The following USP42 variants were observed in gnomAD, a reference collection of about 807,000 sequenced individuals.
USP42 encodes ubiquitin carboxyl-terminal hydrolase 42.
In USP42, 23 loss-of-function variants were observed where a neutral mutation model predicts 113.0. The ratio of observed to expected loss-of-function variants is 0.20; its 90% confidence interval spans 0.15 to 0.29. The LOEUF is 0.29. USP42 is among the 10% of genes least tolerant of loss of function. USP42 has a pLI of 1.00. For missense variants in USP42, 2,174 were observed against 1,779.8 expected, an observed-to-expected ratio of 1.22 and a Z score of -3.99; for synonymous variants, 933 against 699.0, an observed-to-expected ratio of 1.33 and a Z score of -5.28.
chr7:6,155,207 G>A lies in USP42; in HGVS notation c.3641+12G>A. 6.6e-7 allele frequency: 1 copy of A among 1,517,410 alleles called. No individual in the cohort carries two copies. Among genetic ancestry groups the A allele is most frequent in the Middle Eastern group, 1.7e-4 (1 of 5,832 alleles). 94.0% of individuals were successfully genotyped at this position (1,517,410 alleles called of 1,614,324 possible). On this transcript the variant is annotated intron_variant, in intron 15 of 17. Transcript: ENST00000306177. Reference sequence around the variant, plus strand: ...GACCGCGACTCCAGGTGAGCCTGGGGCCTTGTGCTCCCCGAGGCGCTGGCG... The same window carrying A: ...GACCGCGACTCCAGGTGAGCCTGGGACCTTGTGCTCCCCGAGGCGCTGGCG...
intron 10 of USP42, 79 bp from the exon 11 acceptor site, chr7:6,146,069 A>G: frequency 8.5e-7 from 1 of 1,175,518 alleles, no homozygotes; most frequent in South Asian, 1.4e-5. Flanking sequence ...CTCAAAAAAA[A>G]AGAAAGAAAT....
chr7:6,130,166 T>A (rs1780774019), intron 3 of USP42, among the ~76,000 whole-genome samples: 1 of 152,060 alleles, frequency 6.6e-6, no homozygotes, highest in Admixed American at 6.5e-5. Flanking sequence ...TATTTTGGTG[T>A]TATCTTATAA....
At chr7:6,138,538 C>T (rs1781273537) in intron 4 of USP42, among the ~76,000 whole-genome samples, 1 of 152,188 alleles carries the variant, frequency 6.6e-6, no homozygotes, top group Non-Finnish European at 1.5e-5. Context: ...TAGCTACTCT[C>T]TAGACTCTCA....
At chr7:6,115,163 G>C (rs1040350737) in intron 2 of USP42, among the ~76,000 whole-genome samples, 160 bp from the exon 3 acceptor site, 1 of 152,086 alleles carries the variant, frequency 6.6e-6, no homozygotes. Context: ...TCATGTTCTG[G>C]TTTCTGTCTT....
At chr7:6,143,500 A>T (rs1781541374) in intron 8 of USP42, among the ~76,000 whole-genome samples, 1 of 152,212 alleles carries the variant, frequency 6.6e-6, no homozygotes, top group Admixed American at 6.5e-5. Flanking sequence ...ATGTTTCCAC[A>T]TGAAGTCAAG....
intron 14 of USP42, among the ~76,000 whole-genome samples, chr7:6,153,281 A>G (rs1193183999): frequency 2.7e-5 from 4 of 149,006 alleles, no homozygotes; most frequent in Non-Finnish European, 5.9e-5. Flanking sequence ...CTTCAAAAAA[A>G]CAAAACAAAA....
the USP42 span, among the ~76,000 whole-genome samples, chr7:6,097,736 G>T: frequency 6.8e-6 from 1 of 147,118 alleles, no homozygotes; most frequent in Non-Finnish European, 1.5e-5. Flanking sequence ...GACTACAGGC[G>T]GCCGCCACCA....
At position 6,128,256 on chromosome 7, in the gene USP42, CT is replaced by C. The variant is rs376183536; in HGVS notation, c.443-7568del. On this transcript the variant is annotated intron_variant, in intron 3 of 17. Coordinates refer to ENST00000306177, the MANE Select transcript of USP42 (RefSeq NM_032172.3). Reference sequence around the variant, plus strand: ...GTGTGAGCCACTGTGCCTGGCCCTGCTTTTTTTTTTTTTTTTTCCTCCTTGA... The same window carrying C: ...GTGTGAGCCACTGTGCCTGGCCCTGCTTTTTTTTTTTTTTTTCCTCCTTGA... The C allele has an allele frequency of 9.4e-3, 1,269 of 134,744 alleles. 6 individuals are homozygous for C. The highest frequency in any genetic ancestry group is 0.026 in the African/African-American group (959 of 36,368). The allele number at this position is 134,744 out of a possible 1,614,324, so 8.3% of individuals were successfully genotyped here.
chr7:6,102,329 GTCTCGAAC>G (rs1790152078), upstream of USP42, among the ~76,000 whole-genome samples: 1 of 150,128 alleles, frequency 6.7e-6, no homozygotes, highest in Non-Finnish European at 1.5e-5. Flanking sequence ...GGCCAGGCTG[GTCTCGAAC>G]TCCTGATCTT....
intron 6 of USP42, 120 bp from the exon 7 acceptor site, chr7:6,140,794 T>C (rs1211802237): frequency 6.4e-6 from 4 of 620,836 alleles, no homozygotes; most frequent in Non-Finnish European, 1.1e-5. Flanking sequence ...TTTGTTCAAT[T>C]GATAGAAAAA....
At chr7:6,134,079 G>A (rs1453142581) in intron 3 of USP42, among the ~76,000 whole-genome samples, 1 of 151,874 alleles carries the variant, frequency 6.6e-6, no homozygotes, top group Non-Finnish European at 1.5e-5. Context: ...CTTTAGTAGA[G>A]ACGGGGTTTC....
intron 3 of USP42, among the ~76,000 whole-genome samples, chr7:6,122,323 T>C (rs1221086145): frequency 6.6e-6 from 1 of 151,700 alleles, no homozygotes; most frequent in African/African-American, 2.4e-5. Context: ...ACTCACTCTG[T>C]TGCCTAGGCT....
chr7:6,104,055 C>T (rs1460994518), upstream of USP42, among the ~76,000 whole-genome samples: 1 of 151,444 alleles, frequency 6.6e-6, no homozygotes, highest in Non-Finnish European at 1.5e-5. Context: ...TGCACTCCAG[C>T]CTGGGCTACA....
In USP42 at chr7:6,139,726, C is replaced by T. The variant is rs540061122; in HGVS notation, c.657-402C>T. On this transcript the variant is annotated intron_variant, in intron 5 of 17. Transcript: ENST00000306177. This position sits in a 1 kb window ranked among gnomAD's most constrained non-coding sequence, Gnocchi z 4.5. ...CTCTGCATTCTCCCTGCCCTGGCAC[C>T]GCCCTGTCTAGGACTTCATTGTCCG... is the stretch of plus-strand genomic sequence containing the variant. The T allele has an allele frequency of 1.7e-4, 45 of 262,626 alleles. No homozygotes were observed. Among genetic ancestry groups the T allele is most frequent in the East Asian group, 1.2e-3 (11 of 9,454 alleles). 16.3% of individuals were successfully genotyped at this position (262,626 alleles called of 1,614,324 possible). A position where few individuals can be genotyped will look rare whatever the true frequency, so the allele number is the denominator to read the frequency against.
the USP42 span, among the ~76,000 whole-genome samples, chr7:6,087,679 T>G: frequency 6.6e-6 from 1 of 150,994 alleles, no homozygotes; most frequent in African/African-American, 2.5e-5. Flanking sequence ...GTTGAGATAT[T>G]TTTCAGCGAG....
chr7:6,159,892 T>TCCGTC lies in USP42; in HGVS notation c.*36+407_*36+411dup, dbSNP rs983744837. On this transcript the variant is annotated intron_variant, in intron 17 of 17. Coordinates refer to ENST00000306177, the MANE Select transcript of USP42 (RefSeq NM_032172.3). The surrounding 1 kb of genome is among the most constrained non-coding windows in gnomAD (Gnocchi z 4.1). The stretch of plus-strand genomic sequence containing the variant: ...AGGAGAGCGGAGCCTTGCTCCCTCG[T>TCCGTC]CCGTCCCGTCCCCTGTGCTGCTGTC... Among the ~76,000 whole-genome samples the TCCGTC allele has an allele frequency of 1.3e-5, 2 of 152,190 alleles. No homozygotes were observed. The highest frequency in any genetic ancestry group is 2.9e-5 in the Non-Finnish European group (2 of 68,014).
In USP42 at chr7:6,155,042, G is replaced by A; in HGVS notation, c.3488G>A (p.Arg1163Lys). The A allele has an allele frequency of 1.9e-6, 3 of 1,563,658 alleles. No individual in the cohort carries two copies. The highest frequency in any genetic ancestry group is 2.6e-6 in the Non-Finnish European group (3 of 1,153,898). ...EHENGKSRKR[R>K]HDSVENSDSH... ...GAAAATGGAAAGTCCCGGAAACGGA[G>A]ACACGACAGTGTGGAGAACAGTGAC... The change falls in exon 15 of 18, where the codon AGA becomes AAA. Residue 1163 changes from arginine to lysine, a missense_variant. Coordinates refer to ENST00000306177, the MANE Select transcript of USP42 (RefSeq NM_032172.3).
intron 3 of USP42, among the ~76,000 whole-genome samples, chr7:6,133,461 T>G (rs1780959289): frequency 6.6e-6 from 1 of 152,212 alleles, no homozygotes; most frequent in African/African-American, 2.4e-5. Flanking sequence ...ACTAATCTTT[T>G]CTTCTGTGGT....
chr7:6,126,541 T>A (rs1004000193), intron 3 of USP42, among the ~76,000 whole-genome samples: 6 of 152,134 alleles, frequency 3.9e-5, no homozygotes, highest in African/African-American at 1.4e-4. Flanking sequence ...CGCCTCAGCC[T>A]CCCAAAGTGC....
Sources: gnomAD v4.1 joint callset for allele counts (sites outside exome capture counted in the v4.1 genomes callset) on GRCh38, gnomAD v4.1.1 for gene constraint, Gnocchi (gnomAD v3.1) non-coding constraint, MANE v1.5 for transcripts, NCBI Gene and HGNC (gene_info 2026-07-23, HGNC 2026-07-21) for gene names.